NRG3: variants seen among roughly 807,000 people sequenced by gnomAD.
NRG3 encodes the protein pro-neuregulin-3, membrane-bound isoform.
A neutral mutation model predicts 66.9 loss-of-function variants in NRG3; 31 were observed. The ratio of observed to expected loss-of-function variants is 0.46; its 90% CI spans 0.35 to 0.63. The LOEUF is 0.63. NRG3 is among the 20% of genes least tolerant of loss of function. The probability of loss-of-function intolerance (pLI) is 0.00; values close to 1 mark genes in which losing one functional copy is unlikely to be tolerated. For missense variants in NRG3, 910 were observed against 878.9 expected (o/e 1.04, Z -0.45); for synonymous variants, 393 against 359.4 (o/e 1.09, Z -1.06).
intron 1 of NRG3, among the ~76,000 whole-genome samples, chr10:82,160,278 C>T (rs1225009584): frequency 6.6e-6 from 1 of 152,050 alleles, no homozygotes; most frequent in East Asian, 1.9e-4. Context: ...CTCTTCTTCA[C>T]CAGTCTGCTA....
chr10:82,932,540 G>T (rs1316042872), intron 4 of NRG3, among the ~76,000 whole-genome samples: 79 of 152,194 alleles, frequency 5.2e-4, no homozygotes, highest in Non-Finnish European at 8.8e-5. Context: ...AGTGTATGTG[G>T]ATGGCATAAA....
intron 2 of NRG3, among the ~76,000 whole-genome samples, chr10:82,489,063 C>T (rs961208574): frequency 2.0e-5 from 3 of 152,124 alleles, no homozygotes; most frequent in African/African-American, 7.2e-5. Context: ...CCAGTACACT[C>T]ACACAGCCCA....
intron 3 of NRG3, among the ~76,000 whole-genome samples, chr10:82,843,586 A>C (rs1160420892): frequency 3.3e-5 from 5 of 152,244 alleles, no homozygotes; most frequent in Admixed American, 6.5e-5. Flanking sequence ...AAGCTTAAGC[A>C]TATTAGTTAT....
intron 6 of NRG3, among the ~76,000 whole-genome samples, chr10:82,968,655 G>A (rs1362356037): frequency 2.1e-5 from 3 of 146,052 alleles, no homozygotes; most frequent in Non-Finnish European, 4.6e-5. Flanking sequence ...AAGGGAGGAA[G>A]GGAGGCAGGG....
intron 1 of NRG3, among the ~76,000 whole-genome samples, chr10:81,964,896 G>T (rs755949670): frequency 2.2e-4 from 33 of 151,856 alleles, no homozygotes; most frequent in Non-Finnish European, 4.3e-4. Flanking sequence ...ACTATGTTTT[G>T]TTCATTTTAT....
intron 2 of NRG3, among the ~76,000 whole-genome samples, chr10:82,492,023 A>G (rs1843190169): frequency 6.6e-6 from 1 of 152,216 alleles, no homozygotes; most frequent in South Asian, 2.1e-4. Flanking sequence ...TAGCCTCTCT[A>G]GAATTCCTTG....
At chr10:82,984,727 G>A in intron 8 of NRG3, 2 of 1,539,468 alleles carry the variant, frequency 1.3e-6, no homozygotes, top group Non-Finnish European at 1.8e-6. Context: ...TGTCCTGTTT[G>A]TCACAATGGA....
At chr10:82,331,073 A>G (rs1346382650) in intron 1 of NRG3, among the ~76,000 whole-genome samples, 1 of 152,074 alleles carries the variant, frequency 6.6e-6, no homozygotes, top group Non-Finnish European at 1.5e-5. Context: ...GGCCCACACT[A>G]TTTACTACTG....
intron 1 of NRG3, among the ~76,000 whole-genome samples, chr10:82,332,260 C>A (rs2135284104): frequency 6.6e-6 from 1 of 152,258 alleles, no homozygotes; most frequent in South Asian, 2.1e-4. Flanking sequence ...GACACTGTGT[C>A]AGTGTGTTTG....
At chr10:82,422,432 C>T (rs2089149148) in intron 2 of NRG3, among the ~76,000 whole-genome samples, 1 of 151,924 alleles carries the variant, frequency 6.6e-6, no homozygotes, top group African/African-American at 2.4e-5. Flanking sequence ...GGGAAAGCCC[C>T]TGTTAATTTT....
chr10:81,893,569 C>T (rs150467371), intron 1 of NRG3, among the ~76,000 whole-genome samples: 1,606 of 152,160 alleles, frequency 0.011, 26 homozygotes, highest in African/African-American at 0.037. Context: ...CTGATCCTCC[C>T]GTAAATCCCC....
chr10:82,657,886 G>GTAGC (rs2052001486), intron 2 of NRG3, among the ~76,000 whole-genome samples: 1 of 139,438 alleles, frequency 7.2e-6, no homozygotes, highest in Admixed American at 7.3e-5. Context: ...ATGGTGTTAA[G>GTAGC]TAGCTTACAC....
At chr10:81,888,202 G>A (rs1171707614) in intron 1 of NRG3, among the ~76,000 whole-genome samples, 2 of 152,072 alleles carry the variant, frequency 1.3e-5, no homozygotes, top group African/African-American at 4.8e-5. Flanking sequence ...CCCTCTTAGT[G>A]AGACTTCATG....
intron 2 of NRG3, among the ~76,000 whole-genome samples, chr10:82,725,578 T>C (rs2057551631): frequency 6.6e-6 from 1 of 152,210 alleles, no homozygotes; most frequent in Admixed American, 6.5e-5. Context: ...CTGTTAATAG[T>C]TCCTACTACT....
chr10:82,342,422 C>T (rs1014653168), intron 1 of NRG3, among the ~76,000 whole-genome samples: 2 of 152,096 alleles, frequency 1.3e-5, no homozygotes, highest in Non-Finnish European at 2.9e-5. Flanking sequence ...CACATCCTCA[C>T]AATATCTGTT....
chr10:82,837,897 T>C (rs1046880918), intron 3 of NRG3, among the ~76,000 whole-genome samples: 3 of 152,148 alleles, frequency 2.0e-5, no homozygotes, highest in African/African-American at 4.8e-5. Context: ...AAGGCACTTA[T>C]AGGATCATCA....
At chr10:82,557,746 A>G (rs934759508) in intron 2 of NRG3, among the ~76,000 whole-genome samples, 2 of 152,196 alleles carry the variant, frequency 1.3e-5, no homozygotes, top group African/African-American at 4.8e-5. Context: ...ACTTTGTGCC[A>G]GACATGTTTC....
At chr10:82,781,075 G>C (rs1460888306) in intron 3 of NRG3, among the ~76,000 whole-genome samples, 1 of 152,170 alleles carries the variant, frequency 6.6e-6, no homozygotes, top group Non-Finnish European at 1.5e-5. Flanking sequence ...CTTTGTGCTG[G>C]TGTGGGAGTT....
chr10:82,098,760 A>T (rs907047795), intron 1 of NRG3, among the ~76,000 whole-genome samples: 14 of 151,966 alleles, frequency 9.2e-5, no homozygotes, highest in Admixed American at 2.6e-4. Context: ...TTTAGATAGC[A>T]TCTTTTTTTG....
Sources: allele counts gnomAD v4.1 joint callset (sites outside exome capture counted in the v4.1 genomes callset), GRCh38; gene constraint gnomAD v4.1.1; transcripts MANE v1.5; gene names NCBI Gene and HGNC (gene_info 2026-07-23, HGNC 2026-07-21).